SAXO1: variants seen among roughly 807,000 people sequenced by gnomAD.
The protein encoded by SAXO1 is 4930500O09Rik.
SAXO1 carries 21 observed loss-of-function variants against 17.5 expected under a neutral mutation model. The observed-to-expected ratio is 1.20, with a 90% CI of 0.85 to 1.72. The LOEUF is 1.72. SAXO1 is among the 40% of genes most tolerant of loss of function. The probability of loss-of-function intolerance (pLI) is 0.00; values close to 1 mark genes in which losing one functional copy is unlikely to be tolerated. For missense variants in SAXO1, 843 were observed against 596.0 expected, an observed-to-expected ratio of 1.41 and a Z score of -4.32; for synonymous variants, 274 against 216.5, an observed-to-expected ratio of 1.27 and a Z score of -2.33.
At position 18,928,470 on chromosome 9, in the gene SAXO1, C is replaced by G; in HGVS notation, c.1007G>C (p.Gly336Ala). ...LQIKKCGRFE[G>A]SSTTKDDYKQ... Reference sequence around the variant, plus strand: ...GTAGTCATCCTTGGTGGTGGAAGAGCCTTCAAAGCGACCGCACTTCTTAAT... The same window carrying G: ...GTAGTCATCCTTGGTGGTGGAAGAGGCTTCAAAGCGACCGCACTTCTTAAT... The change falls in exon 4 of 4, where the codon GGC (glycine) becomes GCC (alanine). Residue 336 changes from glycine (G) to alanine (A), a missense_variant. Transcript: ENST00000380534. 1.2e-6 allele frequency: 2 copies of G among 1,612,468 alleles called. No individual in the cohort carries two copies. Among genetic ancestry groups the G allele is most frequent in the Non-Finnish European group, 1.7e-6 (2 of 1,179,246 alleles).
chr9:18,982,915 T>C (rs1323026965), intron 1 of SAXO1, among the ~76,000 whole-genome samples: 2 of 152,180 alleles, frequency 1.3e-5, no homozygotes, highest in Non-Finnish European at 2.9e-5. Context: ...TACAAGGTAA[T>C]TGTTTTGATA....
chr9:18,994,708 T>C (rs1833937798), intron 1 of SAXO1, among the ~76,000 whole-genome samples: 1 of 152,192 alleles, frequency 6.6e-6, no homozygotes. Flanking sequence ...AGTTGTCACC[T>C]ACAAAAGGAA....
chr9:18,988,313 G>C (rs1389439059), intron 1 of SAXO1, among the ~76,000 whole-genome samples: 2 of 152,178 alleles, frequency 1.3e-5, no homozygotes, highest in Non-Finnish European at 2.9e-5. Context: ...AAAACATTTT[G>C]AAACAGAACA....
In SAXO1 at chr9:18,942,830, C is replaced by T. The variant is rs554375977; in HGVS notation, c.219-991G>A. On this transcript the variant is annotated intron_variant, in intron 2 of 3. Transcript: ENST00000380534. ...ACTCGCAACTTCCCACCTCTCAATGCTAACATTTCCCTCTGAAGGGTGTCT... is the reference window on the plus strand; with the variant it reads ...ACTCGCAACTTCCCACCTCTCAATGTTAACATTTCCCTCTGAAGGGTGTCT... Among the ~76,000 whole-genome samples the T allele has an allele frequency of 5.3e-5, 8 of 152,348 alleles. No homozygotes were observed. In the South Asian group the frequency reaches 6.2e-4, roughly 12 times the overall value.
At chr9:19,002,286 T>C (rs1319739676) in intron 1 of SAXO1, among the ~76,000 whole-genome samples, 1 of 152,096 alleles carries the variant, frequency 6.6e-6, no homozygotes, top group Non-Finnish European at 1.5e-5. Context: ...CAGGACCAGA[T>C]GGATTCACAG....
At chr9:18,991,634 G>C (rs1221456726) in intron 1 of SAXO1, among the ~76,000 whole-genome samples, 3 of 152,158 alleles carry the variant, frequency 2.0e-5, no homozygotes, top group Non-Finnish European at 4.4e-5. Flanking sequence ...GTTAATGGGT[G>C]AAGCAAACCA....
intron 1 of SAXO1, among the ~76,000 whole-genome samples, chr9:18,971,089 C>T (rs1832925607): frequency 6.6e-6 from 1 of 152,154 alleles, no homozygotes; most frequent in African/African-American, 2.4e-5. Flanking sequence ...GCCCTCCTAC[C>T]CAACCCATAC....
At chr9:18,953,130 A>G (rs534606612) in intron 1 of SAXO1, among the ~76,000 whole-genome samples, 11 of 152,364 alleles carry the variant, frequency 7.2e-5, no homozygotes, top group African/African-American at 2.2e-4. Flanking sequence ...AGCACTGGCT[A>G]CCAAAAATAC....
intron 1 of SAXO1, among the ~76,000 whole-genome samples, chr9:19,047,658 C>A (rs1434797039): frequency 6.6e-6 from 1 of 152,196 alleles, no homozygotes; most frequent in Non-Finnish European, 1.5e-5. Context: ...AGGCATCAGA[C>A]TACTGGCTGC....
At chr9:18,962,364 G>A (rs1030580468) in intron 1 of SAXO1, among the ~76,000 whole-genome samples, 10 of 152,278 alleles carry the variant, frequency 6.6e-5, no homozygotes, top group East Asian at 1.9e-4. Flanking sequence ...CACCGCACCC[G>A]GCTCTCATTG....
At chr9:18,968,098 T>A (rs1832799901) in intron 1 of SAXO1, among the ~76,000 whole-genome samples, 1 of 152,310 alleles carries the variant, frequency 6.6e-6, no homozygotes, top group East Asian at 1.9e-4. Flanking sequence ...CCAGTCCCAA[T>A]GAGACTAAGT....
chr9:19,027,082 T>C (rs2131036640), intron 1 of SAXO1: 1 of 877,228 alleles, frequency 1.1e-6, no homozygotes, highest in Middle Eastern at 2.4e-4. Context: ...AGTGAGAAAA[T>C]CAATGTGAAC....
At chr9:18,964,367 T>C (rs1250836160) in intron 1 of SAXO1, among the ~76,000 whole-genome samples, 2 of 152,228 alleles carry the variant, frequency 1.3e-5, no homozygotes, top group Non-Finnish European at 2.9e-5. Flanking sequence ...TTTTTGTACC[T>C]CTGGTAGAAT....
At chr9:18,976,745 C>T (rs543784041) in intron 1 of SAXO1, among the ~76,000 whole-genome samples, 28 of 152,308 alleles carry the variant, frequency 1.8e-4, no homozygotes, top group African/African-American at 5.8e-4. Flanking sequence ...CATTTTCCAA[C>T]GAGGACATTC....
intron 1 of SAXO1, among the ~76,000 whole-genome samples, chr9:18,988,129 C>A (rs956652464): frequency 2.0e-5 from 3 of 152,150 alleles, no homozygotes; most frequent in African/African-American, 7.2e-5. Context: ...TTTGAAAAAG[C>A]ACAGAATGAG....
intron 1 of SAXO1, among the ~76,000 whole-genome samples, chr9:18,968,756 G>A (rs1344738950): frequency 6.6e-6 from 1 of 151,904 alleles, no homozygotes; most frequent in Non-Finnish European, 1.5e-5. Flanking sequence ...ACTACACCTG[G>A]CTAATTTTTG....
chr9:19,048,959 C>T (rs2233798), intron 1 of SAXO1, among the ~76,000 whole-genome samples: 66,736 of 152,174 alleles, frequency 0.44, 15,706 homozygotes, highest in African/African-American at 0.62. Context: ...CAATCGCTTG[C>T]CTACAAGTCT....
intron 1 of SAXO1, among the ~76,000 whole-genome samples, chr9:18,989,454 C>A (rs1833719331): frequency 6.6e-6 from 1 of 152,082 alleles, no homozygotes; most frequent in South Asian, 2.1e-4. Context: ...GTTACTAATG[C>A]AGATTTATCA....
intron 1 of SAXO1, among the ~76,000 whole-genome samples, chr9:19,005,555 C>A (rs893975064): frequency 1.2e-4 from 18 of 152,244 alleles, no homozygotes; most frequent in African/African-American, 4.3e-4. Flanking sequence ...ACAAATGGCA[C>A]AGGAAAAGTT....
Sources: allele counts gnomAD v4.1 joint callset (sites outside exome capture counted in the v4.1 genomes callset), GRCh38; gene constraint gnomAD v4.1.1; transcripts MANE v1.5; gene names NCBI Gene and HGNC (gene_info 2026-07-23, HGNC 2026-07-21).